Variants in CALN1 observed in about 807,000 individuals in gnomAD.
The protein encoded by CALN1 is calneuron 1.
A neutral mutation model predicts 30.6 loss-of-function variants in CALN1; 17 were observed. The ratio of observed to expected loss-of-function variants is 0.56; its 90% CI spans 0.38 to 0.83. The LOEUF (loss-of-function observed/expected upper bound fraction) is 0.83, where lower values mean the gene tolerates loss of function less well. CALN1 is among the 40% of genes least tolerant of loss of function. The probability of loss-of-function intolerance (pLI) is 0.00; values close to 1 mark genes in which losing one functional copy is unlikely to be tolerated. For missense variants in CALN1, 291 were observed against 354.9 expected (o/e 0.82, Z 1.45); for synonymous variants, 156 against 131.4 (o/e 1.19, Z -1.28).
chr7:71,790,368 A>AAAAGAAAGAAAGAAAGAAAGAAAG (rs66616944), intron 6 of CALN1, among the ~76,000 whole-genome samples: 3 of 123,798 alleles, frequency 2.4e-5, no homozygotes, highest in African/African-American at 6.3e-5. Context: ...AGAAAGAAAG[A>AAAAGAAAGAAAGAAAGAAAGAAAG]AAAGAAAGAA....
chr7:72,150,491 G>C (rs941280852), intron 3 of CALN1, among the ~76,000 whole-genome samples: 1 of 152,150 alleles, frequency 6.6e-6, no homozygotes, highest in Non-Finnish European at 1.5e-5. Flanking sequence ...TGAGATGACC[G>C]GGAGGGTAAG....
intron 3 of CALN1, among the ~76,000 whole-genome samples, chr7:72,264,183 G>A (rs921528053): frequency 9.9e-5 from 15 of 152,146 alleles, no homozygotes; most frequent in African/African-American, 3.4e-4. Flanking sequence ...AGCATGTGAA[G>A]GAAGTCCCTC....
chr7:72,198,529 T>A (rs888569206), intron 3 of CALN1, among the ~76,000 whole-genome samples: 1 of 152,174 alleles, frequency 6.6e-6, no homozygotes, highest in Non-Finnish European at 1.5e-5. Flanking sequence ...AAGTATATTA[T>A]ACATAGAAGC....
Position 72,224,884 on chromosome 7 carries a change from T to A in CALN1, c.244+53802A>T, listed in dbSNP as rs537890460. ...CAGGTGAATCACGAGGTCAGGAGAT[T>A]GAGGCCATCCTGGCTAACATGGTGA... On this transcript the variant is annotated intron_variant, in intron 3 of 6. Coordinates refer to ENST00000395275, the MANE Select transcript of CALN1 (RefSeq NM_031468.4). Among the ~76,000 whole-genome samples, 185 of 151,754 alleles carry A rather than the reference T, an allele frequency of 1.2e-3. 1 individual carries two copies. The highest frequency in any genetic ancestry group is 2.0e-3 in the Non-Finnish European group (139 of 67,924).
rs71069028 is a variant in CALN1, at chr7:72,140,276, A to AAGAGAGAGAGAGAGAGAGAGAG, written c.245-34004_245-33983dup. ...ACAGAGTGAGACCTTGTCTCAAAATAAGAGAGAGAGAGAGAGAGAGAGAGA... is the reference window on the plus strand; with the variant it reads ...ACAGAGTGAGACCTTGTCTCAAAATAAGAGAGAGAGAGAGAGAGAGAGAGAGAGAGAGAGAGAGAGAGAGAGA... On this transcript the variant is annotated intron_variant, in intron 3 of 6. Coordinates refer to ENST00000395275, the MANE Select transcript of CALN1 (RefSeq NM_031468.4). Among the ~76,000 whole-genome samples the AAGAGAGAGAGAGAGAGAGAGAG allele has an allele frequency of 1.7e-5, 2 of 119,862 alleles. 1 individual carries two copies. The highest frequency in any genetic ancestry group is 6.5e-5 in the African/African-American group (2 of 30,874). 78.6% of individuals were successfully genotyped at this position (119,862 alleles called of 152,430 possible).
intron 2 of CALN1, among the ~76,000 whole-genome samples, chr7:72,295,140 T>C (rs994926370): frequency 2.6e-5 from 4 of 152,028 alleles, no homozygotes; most frequent in South Asian, 2.1e-4. Flanking sequence ...ACCACCTCTT[T>C]CCTAAAAACC....
At chr7:72,395,450 T>C (rs1474523784) in intron 2 of CALN1, among the ~76,000 whole-genome samples, 1 of 152,184 alleles carries the variant, frequency 6.6e-6, no homozygotes, top group African/African-American at 2.4e-5. Context: ...TTCTTGGCTG[T>C]AGGGCATCAC....
intron 2 of CALN1, among the ~76,000 whole-genome samples, chr7:72,356,291 T>C (rs1256912847): frequency 6.7e-6 from 1 of 150,238 alleles, no homozygotes; most frequent in Non-Finnish European, 1.5e-5. Context: ...TCTGAATAAC[T>C]ATTGTATTTT....
At chr7:71,921,359 T>A (rs1479910006) in intron 5 of CALN1, among the ~76,000 whole-genome samples, 3 of 152,122 alleles carry the variant, frequency 2.0e-5, no homozygotes, top group African/African-American at 7.2e-5. Context: ...TAAAGTATAA[T>A]AATAAAAAAA....
chr7:72,279,172 G>C (rs532558356), intron 2 of CALN1, among the ~76,000 whole-genome samples: 1 of 152,248 alleles, frequency 6.6e-6, no homozygotes, highest in South Asian at 2.1e-4. Flanking sequence ...CTTGATGCTT[G>C]TAAGGAAGGA....
At chr7:72,030,097 A>C (rs1186579706) in intron 4 of CALN1, among the ~76,000 whole-genome samples, 2 of 152,234 alleles carry the variant, frequency 1.3e-5, no homozygotes, top group Non-Finnish European at 1.5e-5. Flanking sequence ...TAATTGTAGG[A>C]CATCCAGTCC....
At chr7:72,274,239 G>C (rs1488502307) in intron 3 of CALN1, among the ~76,000 whole-genome samples, 2 of 152,166 alleles carry the variant, frequency 1.3e-5, no homozygotes, top group African/African-American at 4.8e-5. Context: ...CAAGCACAGG[G>C]TCTCACGACT....
intron 1 of CALN1, among the ~76,000 whole-genome samples, chr7:72,404,524 C>G (rs1806569894): frequency 6.6e-6 from 1 of 152,186 alleles, no homozygotes; most frequent in Non-Finnish European, 1.5e-5. Flanking sequence ...TGGATCAGGG[C>G]CCCATCTGAG....
At chr7:72,282,450 G>A (rs761796582) in intron 2 of CALN1, among the ~76,000 whole-genome samples, 16 of 152,188 alleles carry the variant, frequency 1.1e-4, no homozygotes, top group Non-Finnish European at 4.4e-5. Flanking sequence ...AGTATTAAGA[G>A]ATGGAGCCTT....
At chr7:72,087,456 G>A (rs889596759) in intron 4 of CALN1, among the ~76,000 whole-genome samples, 3 of 152,100 alleles carry the variant, frequency 2.0e-5, no homozygotes, top group East Asian at 1.9e-4. Context: ...CCAATCAATC[G>A]TCTGACTCAG....
chr7:72,118,612 GAAAC>G (rs971729150), intron 3 of CALN1, among the ~76,000 whole-genome samples: 28 of 152,282 alleles, frequency 1.8e-4, no homozygotes, highest in African/African-American at 5.8e-4. Flanking sequence ...AATTAGAACA[GAAAC>G]AAACAAAGAA....
intron 5 of CALN1, among the ~76,000 whole-genome samples, chr7:71,839,145 G>C (rs1005388468): frequency 6.6e-6 from 1 of 151,732 alleles, no homozygotes; most frequent in African/African-American, 2.4e-5. Context: ...GAGAGAAAGG[G>C]AGACCCATAA....
chr7:72,435,573 G>A (rs2129564182), intron 1 of CALN1, among the ~76,000 whole-genome samples: 1 of 152,288 alleles, frequency 6.6e-6, no homozygotes, highest in African/African-American at 2.4e-5. Flanking sequence ...CAGCACAGAA[G>A]CGAGGCAGCA....
At chr7:72,146,851 A>G (rs1304077801) in intron 3 of CALN1, among the ~76,000 whole-genome samples, 1 of 152,240 alleles carries the variant, frequency 6.6e-6, no homozygotes, top group Non-Finnish European at 1.5e-5. Flanking sequence ...AAACCTGACA[A>G]AAACAAGAAA....
Sources: gnomAD v4.1 joint callset for allele counts (sites outside exome capture counted in the v4.1 genomes callset) on GRCh38, gnomAD v4.1.1 for gene constraint, MANE v1.5 for transcripts, NCBI Gene and HGNC (gene_info 2026-07-23, HGNC 2026-07-21) for gene names.